Variants in KCNQ3 observed in about 807,000 individuals in gnomAD.
The protein encoded by KCNQ3 is potassium voltage-gated channel subfamily Q member 3, also known as potassium voltage-gated channel subfamily KQT member 3.
KCNQ3 carries 30 observed loss-of-function variants against 92.5 expected under a neutral mutation model. The ratio of observed to expected loss-of-function variants is 0.32; its 90% confidence interval spans 0.24 to 0.44. KCNQ3 has a LOEUF of 0.44. Ranked by LOEUF, KCNQ3 falls within the 20% of genes least tolerant of loss-of-function variation. The probability of loss-of-function intolerance (pLI) is 1.00; values close to 1 mark genes in which losing one functional copy is unlikely to be tolerated. For synonymous variants in KCNQ3, 450 were observed against 468.8 expected (o/e 0.96, Z 0.52); for missense variants, 913 against 1,140.3 (o/e 0.80, Z 2.87).
chr8:132,264,698 C>T (rs567603242), intron 1 of KCNQ3, among the ~76,000 whole-genome samples: 1 of 152,318 alleles, frequency 6.6e-6, no homozygotes, highest in South Asian at 2.1e-4. Context: ...ATTTGTCTGG[C>T]TTTAAATCCG....
intron 1 of KCNQ3, among the ~76,000 whole-genome samples, chr8:132,209,529 C>CCCCA (rs1813782916): frequency 8.9e-6 from 1 of 112,728 alleles, no homozygotes; most frequent in South Asian, 2.7e-4. Flanking sequence ...GTAATTCACA[C>CCCCA]CACACACACA....
intron 1 of KCNQ3, among the ~76,000 whole-genome samples, chr8:132,233,409 A>G (rs928346148): frequency 6.6e-6 from 1 of 152,334 alleles, no homozygotes; most frequent in Middle Eastern, 3.4e-3. Context: ...GAAAAATGCT[A>G]AATCCCAAGT....
chr8:132,230,629 C>T (rs951920469), intron 1 of KCNQ3, among the ~76,000 whole-genome samples: 2 of 152,206 alleles, frequency 1.3e-5, no homozygotes, highest in African/African-American at 4.8e-5. Context: ...AAACCTCAAT[C>T]AACTAAGCAA....
intron 1 of KCNQ3, among the ~76,000 whole-genome samples, chr8:132,261,890 G>T (rs1372489208): frequency 6.6e-6 from 1 of 152,204 alleles, no homozygotes; most frequent in African/African-American, 2.4e-5. Flanking sequence ...CAAAGTTTAA[G>T]AGGGTACTTG....
chr8:132,241,021 T>G (rs1466980174), intron 1 of KCNQ3, among the ~76,000 whole-genome samples: 3 of 151,856 alleles, frequency 2.0e-5, no homozygotes, highest in Non-Finnish European at 2.9e-5. Context: ...CCTGGGTAGC[T>G]GGGATTACAG....
intron 1 of KCNQ3, among the ~76,000 whole-genome samples, chr8:132,197,405 A>T (rs988880273): frequency 3.9e-5 from 6 of 152,166 alleles, no homozygotes; most frequent in Non-Finnish European, 8.8e-5. Context: ...CCTTCGCTCT[A>T]TCCCTGTTCT....
At chr8:132,281,549 TA>T (rs1816517491) in intron 1 of KCNQ3, among the ~76,000 whole-genome samples, 1 of 9,704 alleles carries the variant, frequency 1.0e-4, no homozygotes, top group Non-Finnish European at 2.2e-4. Flanking sequence ...TATGTGTGTG[TA>T]TATATATATA....
At chr8:132,237,382 C>T (rs535436822) in intron 1 of KCNQ3, among the ~76,000 whole-genome samples, 1 of 152,256 alleles carries the variant, frequency 6.6e-6, no homozygotes, top group South Asian at 2.1e-4. Context: ...GATTCTCATA[C>T]CAACATTTAC....
In KCNQ3 at chr8:132,141,264, G is replaced by C. The variant is rs762998115; in HGVS notation, c.1330C>G (p.Leu444Val). 2 of 1,614,178 alleles carry C rather than the reference G, an allele frequency of 1.2e-6. No individual in the cohort carries two copies. Among genetic ancestry groups the C allele is most frequent in the Non-Finnish European group, 1.7e-6 (2 of 1,180,020 alleles). ...NPRGSNTKGK[L>V]FTPLNVDAIE... ...GCATCTACATTCAGAGGGGTAAATA[G>C]CTTTCCTTTAGTATTGCTACCACGA... is the stretch of plus-strand genomic sequence containing the variant. The change falls in exon 10 of 15, where the codon CTA becomes GTA. Residue 444 changes from leucine (L) to valine (V), a missense_variant. This residue lies in a region of KCNQ3 where 182 missense variants were observed against 234.5 expected (regional missense o/e 0.78). Coordinates refer to ENST00000388996, the MANE Select transcript of KCNQ3 (RefSeq NM_004519.4).
chr8:132,175,558 T>C lies in KCNQ3; in HGVS notation c.828A>G (p.Ser276=), dbSNP rs893472568. ...YIGFLTLILS[S]FLVYLVEKDV... The stretch of plus-strand genomic sequence containing the variant: ...CTTTCTCAACCAGGTAGACAAGAAA[T>C]GAAGAAAGGATGAGTGTCAGGAAAC... Residue 276 remains serine (S), a synonymous_variant, in exon 5 of 15, where the codon TCA becomes TCG. Coordinates refer to ENST00000388996, the MANE Select transcript of KCNQ3 (RefSeq NM_004519.4). 1 of 1,614,054 alleles carries C rather than the reference T, an allele frequency of 6.2e-7. No individual in the cohort carries two copies.
At chr8:132,289,495 C>T (rs1347918347) in intron 1 of KCNQ3, among the ~76,000 whole-genome samples, 1 of 152,138 alleles carries the variant, frequency 6.6e-6, no homozygotes, top group East Asian at 1.9e-4. Context: ...TGTATCATTC[C>T]AAACTCTGCA....
chr8:132,320,594 A>G (rs1817868605), intron 1 of KCNQ3, among the ~76,000 whole-genome samples: 1 of 152,034 alleles, frequency 6.6e-6, no homozygotes, highest in Non-Finnish European at 1.5e-5. Flanking sequence ...ACCCCATTCA[A>G]TTCTGAGGGC....
At chr8:132,138,757 A>G (rs1825187680) in intron 11 of KCNQ3, among the ~76,000 whole-genome samples, 1 of 152,180 alleles carries the variant, frequency 6.6e-6, no homozygotes, top group African/African-American at 2.4e-5. Flanking sequence ...AGGCCCTTCC[A>G]TCTGGTGCTT....
At chr8:132,437,060 A>G (rs1269241104) in intron 1 of KCNQ3, among the ~76,000 whole-genome samples, 2 of 151,710 alleles carry the variant, frequency 1.3e-5, no homozygotes, top group African/African-American at 4.8e-5. Flanking sequence ...CGGGCGGATC[A>G]CGAGGTCAGG....
At chr8:132,461,514 A>G (rs1050560237) in intron 1 of KCNQ3, among the ~76,000 whole-genome samples, 1 of 152,106 alleles carries the variant, frequency 6.6e-6, no homozygotes, top group Non-Finnish European at 1.5e-5. Flanking sequence ...GCAGTGAGCC[A>G]AGATTGTGCC....
chr8:132,429,861 CA>C (rs374921143), intron 1 of KCNQ3, among the ~76,000 whole-genome samples: 8,873 of 64,090 alleles, frequency 0.14, 202 homozygotes, highest in East Asian at 0.21. Context: ...AACTCCTTCT[CA>C]AAAAAAAAAA....
intron 9 of KCNQ3, among the ~76,000 whole-genome samples, chr8:132,149,424 C>G (rs1825565594): frequency 6.6e-6 from 1 of 152,168 alleles, no homozygotes; most frequent in African/African-American, 2.4e-5. Flanking sequence ...TAACCCCTCT[C>G]CCTTCAAAGT....
At position 132,124,868 on chromosome 8, in the gene KCNQ3, G is replaced by A. The variant is rs1824612955; in HGVS notation, c.*4394C>T. 1.3e-5 allele frequency: 2 copies of A among 152,156 alleles called. No homozygotes were observed. Among genetic ancestry groups the A allele is most frequent in the African/African-American group, 4.8e-5 (2 of 41,444 alleles). 9.4% of individuals were successfully genotyped at this position (152,156 alleles called of 1,614,324 possible). On this transcript the variant is annotated 3_prime_UTR_variant, in exon 15 of 15. Transcript: ENST00000388996. ...ATCTTCTGGGAAAGCACAGGGGTGG[G>A]AGAATCCTGGGGTGTGTTTGGCAGC...
intron 1 of KCNQ3, among the ~76,000 whole-genome samples, chr8:132,415,013 T>C (rs1479938431): frequency 6.6e-6 from 1 of 152,206 alleles, no homozygotes. Context: ...TTGGCAGTTA[T>C]CGTGTCACTC....
Sources: gnomAD v4.1 joint callset for allele counts (sites outside exome capture counted in the v4.1 genomes callset) on GRCh38, gnomAD v4.1.1 for gene constraint, gnomAD v4.1.1 regional missense constraint, MANE v1.5 for transcripts, NCBI Gene and HGNC (gene_info 2026-07-23, HGNC 2026-07-21) for gene names.